Variants in BRD7 observed in about 807,000 individuals in gnomAD.
BRD7 encodes the protein bromodomain containing 7, also known as bromodomain-containing protein 7.
In BRD7, 15 loss-of-function variants were observed where a neutral mutation model predicts 82.1. The observed-to-expected ratio is 0.18, with a 90% confidence interval of 0.12 to 0.28. The LOEUF (loss-of-function observed/expected upper bound fraction) is 0.28. Ranked by LOEUF, BRD7 falls within the 10% of genes least tolerant of loss-of-function variation. The pLI, the probability that BRD7 is intolerant of heterozygous loss-of-function variation, is 1.00. For synonymous variants in BRD7, 232 were observed against 266.9 expected, an observed-to-expected ratio of 0.87 and a Z score of 1.27; for missense variants, 638 against 779.9, an observed-to-expected ratio of 0.82 and a Z score of 2.17.
chr16:50,355,954 C>T (rs2038714110), intron 2 of BRD7, among the ~76,000 whole-genome samples: 1 of 152,046 alleles, frequency 6.6e-6, no homozygotes, highest in Non-Finnish European at 1.5e-5. Flanking sequence ...CCATGAAGAG[C>T]ATCTATAAAT....
intron 10 of BRD7, 145 bp downstream of exon 10, chr16:50,326,139 G>C (rs2037327786): frequency 1.3e-6 from 1 of 741,158 alleles, no homozygotes; most frequent in Non-Finnish European, 2.2e-6. Context: ...AGTCTCTTCT[G>C]AAGTTAATAA....
intron 3 of BRD7, 131 bp from the exon 4 acceptor site, chr16:50,354,613 G>C: frequency 8.4e-7 from 1 of 1,189,570 alleles, no homozygotes; most frequent in Non-Finnish European, 1.2e-6. Flanking sequence ...AAAATATATT[G>C]AAGTTTGAGA....
At position 50,339,715 on chromosome 16, in the gene BRD7, C is replaced by T. The variant is rs144773271; in HGVS notation, c.702+261G>A. 9.6e-4 allele frequency among the ~76,000 whole-genome samples: 146 copies of T among 152,286 alleles called. 1 individual carries two copies. The highest frequency in any genetic ancestry group is 8.5e-4 in the Non-Finnish European group (58 of 68,022). On this transcript the variant is annotated intron_variant, in intron 6 of 16. Coordinates refer to ENST00000394688, the MANE Select transcript of BRD7 (RefSeq NM_013263.5). ...TATCCTGGAATTCAGGCTGATGTTT[C>T]AAGCTGATGTTTTATGTCTTAAGAG...
chr16:50,343,487 G>T (rs1278695106), intron 5 of BRD7, among the ~76,000 whole-genome samples: 2 of 152,198 alleles, frequency 1.3e-5, no homozygotes, highest in African/African-American at 4.8e-5. Flanking sequence ...CACAGAGTGT[G>T]AGCCGAAGCA....
At chr16:50,331,881 TAAAC>T (rs2037580281) in intron 8 of BRD7, among the ~76,000 whole-genome samples, 2 of 151,858 alleles carry the variant, frequency 1.3e-5, no homozygotes, top group Admixed American at 6.6e-5. Flanking sequence ...TCGACAAAAA[TAAAC>T]AAAGTAGAAA....
intron 15 of BRD7, 79 bp downstream of exon 15, chr16:50,320,169 A>G: frequency 1.3e-6 from 2 of 1,545,324 alleles, no homozygotes; most frequent in African/African-American, 1.4e-5. Context: ...ATTACTCTAT[A>G]GTGGCATCAC....
chr16:50,321,957 C>T (rs776696116), intron 13 of BRD7, 25 bp downstream of exon 13: 31 of 1,591,572 alleles, frequency 1.9e-5, no homozygotes, highest in African/African-American at 2.7e-5. Flanking sequence ...TTAAATATTT[C>T]TTGTAAAGTG....
intron 2 of BRD7, among the ~76,000 whole-genome samples, chr16:50,359,411 T>C (rs1469849285): frequency 6.6e-6 from 1 of 152,234 alleles, no homozygotes; most frequent in Non-Finnish European, 1.5e-5. Context: ...TGTGATAGTT[T>C]ATGTAAAGTT....
In BRD7 at chr16:50,353,585, T is replaced by TTTTA. The variant is rs559080248; in HGVS notation, c.446+836_446+839dup. The stretch of plus-strand genomic sequence containing the variant: ...GTAGAGAGATATCAAAATAAATATA[T>TTTTA]TTTATTTATTTATTTATTTATTTTT... On this transcript the variant is annotated intron_variant, in intron 4 of 16. Transcript: ENST00000394688. Among the ~76,000 whole-genome samples the TTTTA allele has an allele frequency of 8.8e-3, 1,330 of 151,618 alleles. 12 individuals are homozygous for TTTTA. Among genetic ancestry groups the TTTTA allele is most frequent in the Middle Eastern group, 0.02 (6 of 294 alleles).
At chr16:50,343,912 T>C (rs2038176044) in intron 5 of BRD7, among the ~76,000 whole-genome samples, 1 of 151,866 alleles carries the variant, frequency 6.6e-6, no homozygotes, top group Non-Finnish European at 1.5e-5. Context: ...TTGAAGAGAG[T>C]AGTGGTTCTG....
At chr16:50,321,168 T>C (rs909307545) in intron 13 of BRD7, among the ~76,000 whole-genome samples, 8 of 152,242 alleles carry the variant, frequency 5.3e-5, no homozygotes, top group African/African-American at 1.9e-4. Flanking sequence ...TCAGTCCATC[T>C]AGTCCGTATA....
At chr16:50,329,017 T>C (rs1193577630) in intron 8 of BRD7, among the ~76,000 whole-genome samples, 1 of 152,196 alleles carries the variant, frequency 6.6e-6, no homozygotes, top group African/African-American at 2.4e-5. Flanking sequence ...AAGTTTCCAC[T>C]TATGTCATCA....
At chr16:50,337,807 A>G (rs1395796295) in intron 6 of BRD7, among the ~76,000 whole-genome samples, 1 of 152,042 alleles carries the variant, frequency 6.6e-6, no homozygotes, top group Non-Finnish European at 1.5e-5. Flanking sequence ...CCTCCCCTGT[A>G]GGGTGGAGAG....
chr16:50,359,531 G>A (rs1394532035), intron 2 of BRD7, among the ~76,000 whole-genome samples: 1 of 152,048 alleles, frequency 6.6e-6, no homozygotes, highest in African/African-American at 2.4e-5. Flanking sequence ...CTACTCTTAC[G>A]GAGCTCAGAG....
At chr16:50,332,003 C>G (rs116222041) in intron 8 of BRD7, among the ~76,000 whole-genome samples, 2,412 of 152,272 alleles carry the variant, frequency 0.016, 64 homozygotes, top group African/African-American at 0.055. Flanking sequence ...ATGGATTAAA[C>G]ACTTAAATGT....
chr16:50,336,323 T>C (rs1481456317), intron 6 of BRD7, among the ~76,000 whole-genome samples: 2 of 152,158 alleles, frequency 1.3e-5, no homozygotes, highest in African/African-American at 2.4e-5. Flanking sequence ...GGAAACAAAG[T>C]CAAAGGGAAT....
chr16:50,337,895 CAGAG>C (rs2037881629), intron 6 of BRD7, among the ~76,000 whole-genome samples: 1 of 150,732 alleles, frequency 6.6e-6, no homozygotes. Context: ...AGGAAGACAA[CAGAG>C]AGAAAGAAAG....
At chr16:50,353,074 T>C (rs1232698070) in intron 4 of BRD7, among the ~76,000 whole-genome samples, 1 of 147,292 alleles carries the variant, frequency 6.8e-6, no homozygotes, top group East Asian at 2.0e-4. Flanking sequence ...GTAAGTTCTT[T>C]TTTTTTTTTT....
intron 13 of BRD7, 91 bp from the exon 14 acceptor site, chr16:50,320,865 G>A (rs572631943): frequency 5.9e-6 from 5 of 852,592 alleles, no homozygotes; most frequent in Non-Finnish European, 9.9e-6. Flanking sequence ...GTATTTACAG[G>A]CAAAGTTATT....
Sources: allele counts gnomAD v4.1 joint callset (sites outside exome capture counted in the v4.1 genomes callset), GRCh38; gene constraint gnomAD v4.1.1; transcripts MANE v1.5; gene names NCBI Gene and HGNC (gene_info 2026-07-23, HGNC 2026-07-21).